MAPK8IP1: variants seen among roughly 807,000 people sequenced by gnomAD.
The protein encoded by MAPK8IP1 is C-Jun-amino-terminal kinase-interacting protein 1.
Under a neutral mutation model 72.6 loss-of-function variants are expected in MAPK8IP1, and 17 were observed. The ratio of observed to expected loss-of-function variants is 0.23; its 90% confidence interval spans 0.16 to 0.35. MAPK8IP1 has a LOEUF of 0.35. Ranked by LOEUF, MAPK8IP1 falls within the 10% of genes least tolerant of loss-of-function variation. The probability of loss-of-function intolerance (pLI) is 1.00; values close to 1 mark genes in which losing one functional copy is unlikely to be tolerated. For synonymous variants in MAPK8IP1, 401 were observed against 443.4 expected, an observed-to-expected ratio of 0.90 and a Z score of 1.20; for missense variants, 789 against 1,009.7, an observed-to-expected ratio of 0.78 and a Z score of 2.96.
At chr11:45,899,914 G>A (rs1308506186) in intron 2 of MAPK8IP1, among the ~76,000 whole-genome samples, 7 of 152,170 alleles carry the variant, frequency 4.6e-5, no homozygotes, top group Admixed American at 4.6e-4. Context: ...TGGGGACTGT[G>A]GGGAGGTGCT....
intron 1 of MAPK8IP1, among the ~76,000 whole-genome samples, chr11:45,889,419 A>G (rs1175823229): frequency 2.0e-5 from 3 of 152,264 alleles, no homozygotes; most frequent in African/African-American, 4.8e-5. Flanking sequence ...ACAAAATAAT[A>G]AAAGAAAATT....
Position 45,900,138 on chromosome 11 carries a change from C to T in MAPK8IP1, c.208C>T (p.Pro70Ser). The T allele has an allele frequency of 2.4e-6, 3 of 1,274,254 alleles. No homozygotes were observed. The highest frequency in any genetic ancestry group is 3.0e-6 in the Non-Finnish European group (3 of 1,015,028). 78.9% of individuals were successfully genotyped at this position (1,274,254 alleles called of 1,614,324 possible). A position where few individuals can be genotyped will look rare whatever the true frequency, so the allele number is the denominator to read the frequency against. The change falls in exon 3 of 12, where the codon CCC becomes TCC. Residue 70 changes from proline to serine, a missense_variant and splice_region_variant. Physicochemically the swap from Pro to Ser is moderately conservative, Grantham distance 74. Around this residue, in one of 4 missense-constraint regions of MAPK8IP1, gnomAD observed 112 missense variants for 111.8 expected, o/e 1.00. Coordinates refer to ENST00000241014, the MANE Select transcript of MAPK8IP1 (RefSeq NM_005456.4). This position sits in a 1 kb window ranked among gnomAD's most constrained non-coding sequence, Gnocchi z 6.5. ...TGACGCCCCTCCGTGCGCTGTGCAG[C>T]CCCCGCGCGCCGGGCTGCTCTCTGC... ...LQCKDTLSLR[P>S]PRAGLLSAGG...
Position 45,902,964 on chromosome 11 carries a change from C to G in MAPK8IP1, c.1197C>G (p.Cys399Trp), listed in dbSNP as rs1565074965. 1 of 1,612,014 alleles carries G rather than the reference C, an allele frequency of 6.2e-7. No homozygotes were observed. ...AQLELVSLRP[C>W]FGDYSDESDS... is the part of the protein sequence containing the mutation. Reference sequence around the variant, plus strand: ...TGGAGCTGGTGAGCCTGCGGCCGTGCTTCGGAGACTACAGTGACGAGAGTG... The same window carrying G: ...TGGAGCTGGTGAGCCTGCGGCCGTGGTTCGGAGACTACAGTGACGAGAGTG... The change falls in exon 5 of 12, where the codon TGC (cysteine) becomes TGG (tryptophan). Residue 399 changes from cysteine (C) to tryptophan (W), a missense_variant. Physicochemically the swap from Cys to Trp is radical, Grantham distance 215 (BLOSUM62 -2). Coordinates refer to ENST00000241014, the MANE Select transcript of MAPK8IP1 (RefSeq NM_005456.4). The surrounding 1 kb of genome is among the most constrained non-coding windows in gnomAD (Gnocchi z 9.3).
Position 45,900,472 on chromosome 11 carries a change from G to T in MAPK8IP1, c.522+20G>T. 1 of 1,530,536 alleles carries T rather than the reference G, an allele frequency of 6.5e-7. No individual in the cohort carries two copies. Among genetic ancestry groups the T allele is most frequent in the Non-Finnish European group, 8.7e-7 (1 of 1,144,696 alleles). 94.8% of individuals were successfully genotyped at this position (1,530,536 alleles called of 1,614,324 possible). Reference sequence around the variant, plus strand: ...TCTCAGGTGAGGCGCCAACGTGGGGGGCGGCGCCCTGGGCCGCCGCGGAGA... The same window carrying T: ...TCTCAGGTGAGGCGCCAACGTGGGGTGCGGCGCCCTGGGCCGCCGCGGAGA... On this transcript the variant is annotated intron_variant, in intron 3 of 11. Coordinates refer to ENST00000241014, the MANE Select transcript of MAPK8IP1 (RefSeq NM_005456.4). The surrounding 1 kb of genome is among the most constrained non-coding windows in gnomAD (Gnocchi z 6.5).
chr11:45,904,403 T>C lies in MAPK8IP1; in HGVS notation c.1667-52T>C. ...CACCCACCCTCCTTCACTTGGCTGC[T>C]CAGCTCCCTCCTGCTCTTTCTGCCC... On this transcript the variant is annotated intron_variant, in intron 7 of 11. Coordinates refer to ENST00000241014, the MANE Select transcript of MAPK8IP1 (RefSeq NM_005456.4). The surrounding 1 kb of genome is among the most constrained non-coding windows in gnomAD (Gnocchi z 6.4). 1 of 1,490,606 alleles carries C rather than the reference T, an allele frequency of 6.7e-7. No individual in the cohort carries two copies. The highest frequency in any genetic ancestry group is 1.1e-5 in the South Asian group (1 of 87,376). The allele number at this position is 1,490,606 out of a possible 1,614,324, so 92.3% of individuals were successfully genotyped here.
In MAPK8IP1 at chr11:45,904,919, C is replaced by G; in HGVS notation, c.1894-52C>G. ...TGATGAAGAGGCCATCTCCTGTCACCCTCACTGCAGGCCAGGTGACCGCCC... is the reference window on the plus strand; with the variant it reads ...TGATGAAGAGGCCATCTCCTGTCACGCTCACTGCAGGCCAGGTGACCGCCC... On this transcript the variant is annotated intron_variant, in intron 9 of 11. Coordinates refer to ENST00000241014, the MANE Select transcript of MAPK8IP1 (RefSeq NM_005456.4). This position sits in a 1 kb window ranked among gnomAD's most constrained non-coding sequence, Gnocchi z 6.4. The G allele has an allele frequency of 6.2e-7, 1 of 1,601,180 alleles. No individual in the cohort carries two copies. The highest frequency in any genetic ancestry group is 8.6e-7 in the Non-Finnish European group (1 of 1,168,334).
At position 45,902,031 on chromosome 11, in the gene MAPK8IP1, G is replaced by T. The variant is rs1224656969; in HGVS notation, c.574G>T (p.Val192Leu). Reference sequence around the variant, plus strand: ...CAAAAAGCACAGTTGGCAGGATCGGGTGTCTCGATCATCCTCACCCCTGAA... The same window carrying T: ...CAAAAAGCACAGTTGGCAGGATCGGTTGTCTCGATCATCCTCACCCCTGAA... ...LGKKHSWQDR[V>L]SRSSSPLKTG... The change falls in exon 4 of 12, where the codon GTG (valine) becomes TTG (leucine). Residue 192 changes from valine to leucine, a missense_variant. Val to Leu is a conservative substitution (Grantham distance 32, BLOSUM62 1). Transcript: ENST00000241014. This position sits in a 1 kb window ranked among gnomAD's most constrained non-coding sequence, Gnocchi z 9.3. The T allele has an allele frequency of 1.8e-5, 29 of 1,614,028 alleles. No homozygotes were observed. Among genetic ancestry groups the T allele is most frequent in the Non-Finnish European group, 2.4e-5 (28 of 1,180,010 alleles).
chr11:45,906,334 C>T lies in MAPK8IP1; in HGVS notation c.*613C>T. ...CTGGCCTGTGGCAGGCCTAGGACCT[C>T]AGGCGGGGAGGAGGAGCTGCCGCAA... On this transcript the variant is annotated 3_prime_UTR_variant, in exon 12 of 12. Coordinates refer to ENST00000241014, the MANE Select transcript of MAPK8IP1 (RefSeq NM_005456.4). The T allele has an allele frequency of 2.2e-6, 1 of 458,430 alleles. No homozygotes were observed. The highest frequency in any genetic ancestry group is 3.7e-6 in the Non-Finnish European group (1 of 270,854). 28.4% of individuals were successfully genotyped at this position (458,430 alleles called of 1,614,324 possible). A position where few individuals can be genotyped will look rare whatever the true frequency, so the allele number is the denominator to read the frequency against.
In MAPK8IP1 at chr11:45,903,177, C is replaced by A. The variant is rs753327168; in HGVS notation, c.1410C>A (p.Arg470=). 1 of 1,601,472 alleles carries A rather than the reference C, an allele frequency of 6.2e-7. No homozygotes were observed. Among genetic ancestry groups the A allele is most frequent in the South Asian group, 1.1e-5 (1 of 90,602 alleles). The part of the protein sequence containing the change: ...FLNVFMSGRS[R]SSSAESFGLF... ...ACGTCTTCATGAGTGGCCGCTCCCG[C>A]TCCTCCAGTGAGTCAGCAAGGGGAA... The change falls in exon 5 of 12, where the codon CGC becomes CGA. Residue 470 remains arginine, a synonymous_variant. Coordinates refer to ENST00000241014, the MANE Select transcript of MAPK8IP1 (RefSeq NM_005456.4). This position sits in a 1 kb window ranked among gnomAD's most constrained non-coding sequence, Gnocchi z 6.4.
At chr11:45,905,101 T>G in intron 10 of MAPK8IP1, 50 bp from the exon 11 acceptor site, 1 of 1,611,876 alleles carries the variant, frequency 6.2e-7, no homozygotes, top group Non-Finnish European at 8.5e-7. Context: ...TTGAGGTGGG[T>G]GGGTGTGGGC....
chr11:45,905,534 AGGAACCAGAGCT>A lies in MAPK8IP1; in HGVS notation c.2064-113_2064-102del, dbSNP rs1219954771. 6.3e-6 allele frequency: 6 copies of A among 946,110 alleles called. No homozygotes were observed. In the East Asian group the frequency reaches 1.4e-4, roughly 23 times the overall value. 58.6% of individuals were successfully genotyped at this position (946,110 alleles called of 1,614,324 possible). A position where few individuals can be genotyped will look rare whatever the true frequency, so the allele number is the denominator to read the frequency against. On this transcript the variant is annotated intron_variant, in intron 11 of 11. Coordinates refer to ENST00000241014, the MANE Select transcript of MAPK8IP1 (RefSeq NM_005456.4). ...AACAGAGCCAAGTGGCCCCAGCCAG[AGGAACCAGAGCT>A]GCACTTGGGCCCCAAGGCTCCAGCG...
rs1455551869 is a variant in MAPK8IP1, at chr11:45,905,143, C to G, written c.1965-8C>G. Reference sequence around the variant, plus strand: ...CCCGTCCCAGCACAGACAGACCTGTCCCTGCAGGTACTTTGGGTTCATCAC... The same window carrying G: ...CCCGTCCCAGCACAGACAGACCTGTGCCTGCAGGTACTTTGGGTTCATCAC... On this transcript the variant is annotated splice_polypyrimidine_tract_variant and splice_region_variant and intron_variant, in intron 10 of 11. Transcript: ENST00000241014. 6.2e-7 allele frequency: 1 copy of G among 1,613,556 alleles called. No homozygotes were observed. The highest frequency in any genetic ancestry group is 1.3e-5 in the African/African-American group (1 of 75,040).
intron 1 of MAPK8IP1, among the ~76,000 whole-genome samples, chr11:45,892,282 C>G (rs2086573372): frequency 6.6e-6 from 1 of 152,152 alleles, no homozygotes; most frequent in Admixed American, 6.5e-5. Flanking sequence ...GACATCCTAG[C>G]CCAGACTCTG....
Position 45,894,792 on chromosome 11 carries a change from G to GGGTACAGTATAT in MAPK8IP1, c.102-3290_102-3289insACAGTATATGGT. On this transcript the variant is annotated intron_variant, in intron 1 of 11. Transcript: ENST00000241014. ...TTGATCACCTGCTGGGTACAGTATA[G>GGGTACAGTATAT]GGTCATCAATCAGGGTGCTGGATAC... Among the ~76,000 whole-genome samples the GGGTACAGTATAT allele has an allele frequency of 2.0e-5, 3 of 151,952 alleles. No homozygotes were observed. The South Asian group carries it at 6.2e-4, about 32-fold the overall frequency.
In MAPK8IP1 at chr11:45,900,465, C is replaced by A; in HGVS notation, c.522+13C>A. ...GCCGCGGTCTCAGGTGAGGCGCCAACGTGGGGGGCGGCGCCCTGGGCCGCC... is the reference window on the plus strand; with the variant it reads ...GCCGCGGTCTCAGGTGAGGCGCCAAAGTGGGGGGCGGCGCCCTGGGCCGCC... On this transcript the variant is annotated intron_variant, in intron 3 of 11. Coordinates refer to ENST00000241014, the MANE Select transcript of MAPK8IP1 (RefSeq NM_005456.4). This position sits in a 1 kb window ranked among gnomAD's most constrained non-coding sequence, Gnocchi z 6.5. The A allele has an allele frequency of 6.5e-7, 1 of 1,530,928 alleles. No individual in the cohort carries two copies. Among genetic ancestry groups the A allele is most frequent in the South Asian group, 1.2e-5 (1 of 83,616 alleles). The allele number at this position is 1,530,928 out of a possible 1,614,324, so 94.8% of individuals were successfully genotyped here.
In MAPK8IP1 at chr11:45,902,856, A is replaced by G; in HGVS notation, c.1089A>G (p.Pro363=). The G allele has an allele frequency of 5.7e-6, 9 of 1,591,002 alleles. No homozygotes were observed. Among genetic ancestry groups the G allele is most frequent in the African/African-American group, 1.3e-5 (1 of 74,634 alleles). ...GCCTGGGGGAGCCGCCGCCACCTCC[A>G]CGGGCCTCTCTGAGCTCGGACACCA... The part of the protein sequence containing the change: ...RGSLGEPPPP[P]RASLSSDTSA... The change falls in exon 5 of 12, where the codon CCA becomes CCG. Residue 363 remains proline (P), a synonymous_variant. Coordinates refer to ENST00000241014, the MANE Select transcript of MAPK8IP1 (RefSeq NM_005456.4). The surrounding 1 kb of genome is among the most constrained non-coding windows in gnomAD (Gnocchi z 9.3).
At chr11:45,896,457 T>G in intron 1 of MAPK8IP1, 1 of 898,874 alleles carries the variant, frequency 1.1e-6, no homozygotes, top group African/African-American at 1.8e-5. Context: ...ACATCCTAGA[T>G]TTCTGCCATC....
chr11:45,900,468 G>C lies in MAPK8IP1; in HGVS notation c.522+16G>C, dbSNP rs373338343. Reference sequence around the variant, plus strand: ...GCGGTCTCAGGTGAGGCGCCAACGTGGGGGGCGGCGCCCTGGGCCGCCGCG... The same window carrying C: ...GCGGTCTCAGGTGAGGCGCCAACGTCGGGGGCGGCGCCCTGGGCCGCCGCG... On this transcript the variant is annotated intron_variant, in intron 3 of 11. Coordinates refer to ENST00000241014, the MANE Select transcript of MAPK8IP1 (RefSeq NM_005456.4). The surrounding 1 kb of genome is among the most constrained non-coding windows in gnomAD (Gnocchi z 6.5). The C allele has an allele frequency of 8.5e-6, 13 of 1,530,510 alleles. No homozygotes were observed. The highest frequency in any genetic ancestry group is 5.9e-5 in the Admixed American group (3 of 50,784). The allele number at this position is 1,530,510 out of a possible 1,614,324, so 94.8% of individuals were successfully genotyped here.
rs774686234 is a variant in MAPK8IP1 at position 45,885,895 on chromosome 11, G to A, written c.75G>A (p.Leu25=). The A allele has an allele frequency of 3.9e-5, 58 of 1,476,400 alleles. No homozygotes were observed. The highest frequency in any genetic ancestry group is 5.0e-5 in the Non-Finnish European group (56 of 1,110,580). 91.5% of individuals were successfully genotyped at this position (1,476,400 alleles called of 1,614,324 possible). ...CCGCCGCCTCCCCGTTCCTGGGGCTGCACATCGCTTCGCCTCCCAATTTCA... is the reference window on the plus strand; with the variant it reads ...CCGCCGCCTCCCCGTTCCTGGGGCTACACATCGCTTCGCCTCCCAATTTCA... ...SPPAASPFLG[L]HIASPPNFRL... is the part of the protein sequence containing the mutation. Residue 25 remains leucine (L), a synonymous_variant, in exon 1 of 12, where the codon CTG becomes CTA. Coordinates refer to ENST00000241014, the MANE Select transcript of MAPK8IP1 (RefSeq NM_005456.4).
Sources: allele counts gnomAD v4.1 joint callset (sites outside exome capture counted in the v4.1 genomes callset), GRCh38; gene constraint gnomAD v4.1.1; regional missense constraint gnomAD v4.1.1; non-coding constraint Gnocchi (gnomAD v3.1); transcripts MANE v1.5; gene names NCBI Gene and HGNC (gene_info 2026-07-23, HGNC 2026-07-21).